SLC29A1: variants seen among roughly 807,000 people sequenced by gnomAD.
SLC29A1 encodes the protein equilibrative nucleoside transporter 1.
In SLC29A1, 22 loss-of-function variants were observed where a neutral mutation model predicts 48.3. The observed-to-expected ratio is 0.46, with a 90% CI of 0.33 to 0.65. The LOEUF is 0.65. SLC29A1 is among the 30% of genes least tolerant of loss of function. SLC29A1 has a pLI of 0.03. For synonymous variants in SLC29A1, 228 were observed against 231.0 expected (o/e 0.99, Z 0.12); for missense variants, 491 against 575.3 (o/e 0.85, Z 1.50).
Position 44,223,745 on chromosome 6 carries a change from A to T in SLC29A1, c.-52+104A>T, listed in dbSNP as rs1776792925. The T allele has an allele frequency of 1.9e-6, 2 of 1,037,284 alleles. No individual in the cohort carries two copies. Among genetic ancestry groups the T allele is most frequent in the South Asian group, 5.5e-5 (2 of 36,268 alleles). The allele number at this position is 1,037,284 out of a possible 1,614,324, so 64.3% of individuals were successfully genotyped here. ...GGGAGGGCGGGCCTGACGGCTCCGC[A>T]GCCCGGAGAAGGGACGCCGGGTGGG... is the stretch of plus-strand genomic sequence containing the variant. On this transcript the variant is annotated intron_variant, in intron 1 of 12. Transcript: ENST00000371755. This position sits in a 1 kb window ranked among gnomAD's most constrained non-coding sequence, Gnocchi z 5.0.
chr6:44,226,792 TC>T (rs773109938), intron 1 of SLC29A1: 1,157 of 1,011,620 alleles, frequency 1.1e-3, no homozygotes, highest in Non-Finnish European at 1.3e-3. Flanking sequence ...ATCTGCCTGT[TC>T]CGTGTCCTTC....
chr6:44,229,932 G>A lies in SLC29A1; in HGVS notation c.340G>A (p.Gly114Ser), dbSNP rs1367941313. The change falls in exon 5 of 13, where the codon GGC becomes AGC. Residue 114 changes from glycine to serine, a missense_variant. By Grantham distance (56) the Gly-to-Ser change is moderately conservative (BLOSUM62 0). Transcript: ENST00000371755. The surrounding 1 kb of genome is among the most constrained non-coding windows in gnomAD (Gnocchi z 5.1). ...GATCCCCCAGTCCGTACGGATCCTG[G>A]GCAGCCTGGTGGCCATCCTGCTGGT... ...QRIPQSVRILGSLVAILLVFL... is the reference protein window; with the variant it reads ...QRIPQSVRILSSLVAILLVFL... 10 of 1,613,458 alleles carry A rather than the reference G, an allele frequency of 6.2e-6. No homozygotes were observed. Among genetic ancestry groups the A allele is most frequent in the Non-Finnish European group, 8.5e-6 (10 of 1,180,030 alleles).
At chr6:44,226,919 C>T in intron 1 of SLC29A1, 1 of 1,074,312 alleles carries the variant, frequency 9.3e-7, no homozygotes, top group Non-Finnish European at 1.1e-6. Flanking sequence ...CTGTCTTTCC[C>T]TCCCTCCCAT....
chr6:44,223,965 A>G lies in SLC29A1; in HGVS notation c.-52+324A>G. The G allele has an allele frequency of 1.0e-6, 1 of 984,418 alleles. No homozygotes were observed. 61.0% of individuals were successfully genotyped at this position (984,418 alleles called of 1,614,324 possible). On this transcript the variant is annotated intron_variant, in intron 1 of 12. Transcript: ENST00000371755. The surrounding 1 kb of genome is among the most constrained non-coding windows in gnomAD (Gnocchi z 5.0). ...GATCCCCATCGATCTGGTCGGTATC[A>G]GGGAGGGGCCGTGCCGCTGACTGCG...
At position 44,232,978 on chromosome 6, in the gene SLC29A1, G is replaced by A. The variant is rs1192398391; in HGVS notation, c.1231G>A (p.Ala411Thr). The A allele has an allele frequency of 9.9e-6, 16 of 1,613,152 alleles. No homozygotes were observed. Among genetic ancestry groups the A allele is most frequent in the Non-Finnish European group, 1.4e-5 (16 of 1,180,016 alleles). Residue 411 changes from alanine (A) to threonine (T), a missense_variant, in exon 12 of 13, where the codon GCC becomes ACC. Physicochemically the swap from Ala to Thr is moderately conservative, Grantham distance 58. Transcript: ENST00000371755. The surrounding 1 kb of genome is among the most constrained non-coding windows in gnomAD (Gnocchi z 4.7). ...CTTTGCCTTCTCCAACGGCTACCTC[G>A]CCAGCCTCTGCATGTGCTTCGGGCC... ...AAFAFSNGYL[A>T]SLCMCFGPKK...
Position 44,229,776 on chromosome 6 carries a change from C to A in SLC29A1, c.299C>A (p.Ser100Tyr). 1 of 1,613,788 alleles carries A rather than the reference C, an allele frequency of 6.2e-7. No homozygotes were observed. Among genetic ancestry groups the A allele is most frequent in the Non-Finnish European group, 8.5e-7 (1 of 1,179,968 alleles). Residue 100 changes from serine to tyrosine, a missense_variant, in exon 4 of 13, where the codon TCC becomes TAC. Ser to Tyr is a moderately radical substitution (Grantham distance 144). Transcript: ENST00000371755. This position sits in a 1 kb window ranked among gnomAD's most constrained non-coding sequence, Gnocchi z 5.1. ...CTGCTGTTATTCACCTACCTCAACT[C>A]CTTCCTGCATCAGAGGTGAGTGCCC... ...LPLLLFTYLNSFLHQRIPQSV... is the reference protein window; with the variant it reads ...LPLLLFTYLNYFLHQRIPQSV...
chr6:44,232,255 T>C lies in SLC29A1; in HGVS notation c.974-88T>C. The stretch of plus-strand genomic sequence containing the variant: ...GCTGGAAGCATCTTCTCCATTTTAC[T>C]GTTGGGGAAGCTGAGGCCCAGTGAA... On this transcript the variant is annotated intron_variant, in intron 10 of 12. Transcript: ENST00000371755. This position sits in a 1 kb window ranked among gnomAD's most constrained non-coding sequence, Gnocchi z 4.7. The C allele has an allele frequency of 1.7e-6, 2 of 1,170,224 alleles. No homozygotes were observed. The highest frequency in any genetic ancestry group is 2.5e-5 in the South Asian group (2 of 81,578). The allele number at this position is 1,170,224 out of a possible 1,614,324, so 72.5% of individuals were successfully genotyped here.
upstream of SLC29A1, chr6:44,219,890 C>CT (rs1321876477): frequency 9.4e-6 from 7 of 746,206 alleles, no homozygotes; most frequent in Non-Finnish European, 1.3e-5. Flanking sequence ...GGGGGACCCG[C>CT]TGGGCTACAG....
intron 1 of SLC29A1, chr6:44,226,140 C>T (rs1041986164): frequency 2.0e-6 from 2 of 984,980 alleles, no homozygotes; most frequent in Non-Finnish European, 2.4e-6. Context: ...TCTGCTCTGA[C>T]CCTTCTGCTG....
At position 44,227,257 on chromosome 6, in the gene SLC29A1, C is replaced by T. The variant is rs1396232686; in HGVS notation, c.-51-6C>T. On this transcript the variant is annotated splice_region_variant and splice_polypyrimidine_tract_variant and intron_variant, in intron 1 of 12. Transcript: ENST00000371755. ...CAGGGCCTCACACTGTTCCTGCCCC[C>T]AGCAGGCCCCTGAGGGAGGGAGCTG... is the stretch of plus-strand genomic sequence containing the variant. The T allele has an allele frequency of 6.2e-7, 1 of 1,612,828 alleles. No homozygotes were observed. The highest frequency in any genetic ancestry group is 8.5e-7 in the Non-Finnish European group (1 of 1,179,312).
At chr6:44,219,867 C>T, upstream of SLC29A1, 1 of 1,007,658 alleles carries the variant, frequency 9.9e-7, no homozygotes, top group Non-Finnish European at 1.3e-6. Context: ...CCGGGCGGGA[C>T]AGGGGGCCAG....
chr6:44,230,724 G>A, intron 7 of SLC29A1, 59 bp downstream of exon 7: 1 of 1,552,266 alleles, frequency 6.4e-7, no homozygotes, highest in Non-Finnish European at 8.9e-7. Context: ...CCAGACCACG[G>A]GTGTTCTGAG....
chr6:44,233,507 C>G lies in SLC29A1; in HGVS notation c.1350C>G (p.Phe450Leu). ...LGLALGAVFS[F>L]LFRAIV is the part of the protein sequence containing the mutation. ...TGGCACTGGGGGCTGTTTTCTCCTT[C>G]CTGTTCCGGGCAATTGTGTGACAAA... Residue 450 changes from phenylalanine to leucine, a missense_variant, in exon 13 of 13, where the codon TTC becomes TTG. Phe to Leu is a conservative substitution (Grantham distance 22, BLOSUM62 0). Transcript: ENST00000371755. The G allele has an allele frequency of 1.2e-6, 2 of 1,613,966 alleles. No individual in the cohort carries two copies. The highest frequency in any genetic ancestry group is 1.7e-6 in the Non-Finnish European group (2 of 1,179,830).
chr6:44,223,668 A>C lies in SLC29A1; in HGVS notation c.-52+27A>C, dbSNP rs992563647. ...TGCTGCCCGGGGCCGGGGACTGGGGACTGGGGACTGCCGGGGCGGAAGACG... is the reference window on the plus strand; with the variant it reads ...TGCTGCCCGGGGCCGGGGACTGGGGCCTGGGGACTGCCGGGGCGGAAGACG... On this transcript the variant is annotated intron_variant, in intron 1 of 12. Coordinates refer to ENST00000371755, the MANE Select transcript of SLC29A1 (RefSeq NM_001372327.1). The surrounding 1 kb of genome is among the most constrained non-coding windows in gnomAD (Gnocchi z 5.0). The C allele has an allele frequency of 1.7e-6, 2 of 1,174,164 alleles. No individual in the cohort carries two copies. Among genetic ancestry groups the C allele is most frequent in the East Asian group, 1.0e-4 (1 of 9,816 alleles). 72.7% of individuals were successfully genotyped at this position (1,174,164 alleles called of 1,614,324 possible).
At chr6:44,222,439 A>G (rs1424581570), upstream of SLC29A1, among the ~76,000 whole-genome samples, 1 of 152,014 alleles carries the variant, frequency 6.6e-6, no homozygotes, top group African/African-American at 2.4e-5. Flanking sequence ...GGGTAGGACT[A>G]CCTTATCCCT....
chr6:44,229,965 A>G lies in SLC29A1; in HGVS notation c.373A>G (p.Ile125Val), dbSNP rs766158469. Residue 125 changes from isoleucine to valine, a missense_variant, in exon 5 of 13, where the codon ATC becomes GTC. By Grantham distance (29) the Ile-to-Val change is conservative. Coordinates refer to ENST00000371755, the MANE Select transcript of SLC29A1 (RefSeq NM_001372327.1). This position sits in a 1 kb window ranked among gnomAD's most constrained non-coding sequence, Gnocchi z 5.1. ...SLVAILLVFLITAILVKVQLD... is the reference protein window; with the variant it reads ...SLVAILLVFLVTAILVKVQLD... ...GGTGGCCATCCTGCTGGTGTTTCTG[A>G]TCACTGCCATCCTGGTGAAGGTGCA... 2 of 1,612,980 alleles carry G rather than the reference A, an allele frequency of 1.2e-6. No homozygotes were observed. The highest frequency in any genetic ancestry group is 8.5e-7 in the Non-Finnish European group (1 of 1,179,968).
chr6:44,221,785 C>A, upstream of SLC29A1: 1 of 446,600 alleles, frequency 2.2e-6, no homozygotes, highest in Admixed American at 3.3e-5. The surrounding 1 kb of genome is among the most constrained non-coding windows in gnomAD (Gnocchi z 4.2). Flanking sequence ...GGCTAGGGGC[C>A]CAGCAGGATG....
In SLC29A1 at chr6:44,233,198, A is replaced by AGGT. The variant is rs147397126; in HGVS notation, c.1259+195_1259+197dup. On this transcript the variant is annotated intron_variant, in intron 12 of 12. Coordinates refer to ENST00000371755, the MANE Select transcript of SLC29A1 (RefSeq NM_001372327.1). ...GGGGGCGCCAAGCTTACTTGGGTGG[A>AGGT]GGTGGAGACAGGTTTGCAGGAAGGA... is the stretch of plus-strand genomic sequence containing the variant. 2.8e-4 allele frequency among the ~76,000 whole-genome samples: 42 copies of AGGT among 152,186 alleles called. No homozygotes were observed. In the East Asian group the frequency reaches 7.9e-3, roughly 29 times the overall value.
Position 44,232,969 on chromosome 6 carries a change from G to A in SLC29A1, c.1222G>A (p.Gly408Ser), listed in dbSNP as rs1582965284. 2.5e-6 allele frequency: 4 copies of A among 1,613,638 alleles called. No homozygotes were observed. Among genetic ancestry groups the A allele is most frequent in the East Asian group, 2.2e-5 (1 of 44,880 alleles). ...FFMAAFAFSN[G>S]YLASLCMCFG... ...CATGGCTGCCTTTGCCTTCTCCAAC[G>A]GCTACCTCGCCAGCCTCTGCATGTG... Residue 408 changes from glycine (G) to serine (S), a missense_variant, in exon 12 of 13, where the codon GGC (glycine) becomes AGC (serine). Transcript: ENST00000371755. The surrounding 1 kb of genome is among the most constrained non-coding windows in gnomAD (Gnocchi z 4.7).
Sources: gnomAD v4.1 joint callset for allele counts (sites outside exome capture counted in the v4.1 genomes callset) on GRCh38, gnomAD v4.1.1 for gene constraint, Gnocchi (gnomAD v3.1) non-coding constraint, MANE v1.5 for transcripts, NCBI Gene and HGNC (gene_info 2026-07-23, HGNC 2026-07-21) for gene names.